Variants in STIM1 observed in about 807,000 individuals in gnomAD.
The protein encoded by STIM1 is stromal interaction molecule 1.
STIM1 carries 25 observed loss-of-function variants against 74.7 expected under a neutral mutation model. That is an observed-to-expected ratio of 0.33 (90% confidence interval 0.24 to 0.47). The LOEUF (loss-of-function observed/expected upper bound fraction) is 0.47. Ranked by LOEUF, STIM1 falls within the 20% of genes least tolerant of loss-of-function variation. The pLI, the probability that STIM1 is intolerant of heterozygous loss-of-function variation, is 1.00. For missense variants in STIM1, 728 were observed against 920.8 expected, an observed-to-expected ratio of 0.79 and a Z score of 2.71; for synonymous variants, 328 against 348.8, an observed-to-expected ratio of 0.94 and a Z score of 0.66.
intron 2 of STIM1, among the ~76,000 whole-genome samples, chr11:4,013,470 G>C (rs1030844960): frequency 3.3e-5 from 5 of 151,586 alleles, no homozygotes; most frequent in Non-Finnish European, 7.4e-5. Flanking sequence ...ATGTGTCGAG[G>C]AATTTATCCA....
chr11:4,084,997 C>CT (rs1565171666), intron 11 of STIM1, among the ~76,000 whole-genome samples: 1 of 152,020 alleles, frequency 6.6e-6, no homozygotes, highest in Non-Finnish European at 1.5e-5. Flanking sequence ...AGGCTTCTCC[C>CT]TTTAGCGCAG....
intron 5 of STIM1, among the ~76,000 whole-genome samples, chr11:4,060,101 A>G (rs1237926265): frequency 6.6e-6 from 1 of 152,220 alleles, no homozygotes; most frequent in Non-Finnish European, 1.5e-5. Flanking sequence ...ACTCAGGCCT[A>G]AGAAAGGGTG....
At chr11:4,020,764 T>A (rs2093948299) in intron 2 of STIM1, among the ~76,000 whole-genome samples, 1 of 130,572 alleles carries the variant, frequency 7.7e-6, no homozygotes, top group Non-Finnish European at 1.8e-5. Context: ...ACCTGGCTAA[T>A]TTTTTTTTTT....
chr11:4,070,235 C>T, intron 6 of STIM1, 32 bp downstream of exon 6: 2 of 1,612,506 alleles, frequency 1.2e-6, no homozygotes, highest in Non-Finnish European at 1.7e-6. Context: ...AAGGTGAGGC[C>T]CTGCCAGTTC....
chr11:3,867,616 A>T (rs761452715), intron 1 of STIM1, among the ~76,000 whole-genome samples: 3 of 152,218 alleles, frequency 2.0e-5, no homozygotes, highest in Non-Finnish European at 4.4e-5. Context: ...GTTATCTCTG[A>T]TGCTGAGAAC....
chr11:3,929,899 G>A lies in STIM1; in HGVS notation c.140-37653G>A, dbSNP rs185878966. Among the ~76,000 whole-genome samples the A allele has an allele frequency of 2.6e-5, 4 of 152,270 alleles. 1 individual carries two copies. The highest frequency in any genetic ancestry group is 2.0e-4 in the Admixed American group (3 of 15,284). ...TGACTGGTCTATTAATAGATCTGAA[G>A]TTCTGGGAGAGCCTCAGCTCTTCCC... is the stretch of plus-strand genomic sequence containing the variant. On this transcript the variant is annotated intron_variant, in intron 1 of 12. Coordinates refer to ENST00000526596, the MANE Select transcript of STIM1 (RefSeq NM_001382567.1).
intron 2 of STIM1, among the ~76,000 whole-genome samples, chr11:4,019,740 TA>T (rs1404158288): frequency 2.0e-5 from 3 of 152,224 alleles, no homozygotes; most frequent in Non-Finnish European, 2.9e-5. Context: ...ATGATCAAAT[TA>T]GGGGGTAAAA....
At chr11:3,918,533 CA>C (rs551060009) in intron 1 of STIM1, among the ~76,000 whole-genome samples, 2 of 117,212 alleles carry the variant, frequency 1.7e-5, no homozygotes, top group Non-Finnish European at 1.8e-5. Context: ...GACACTGTCT[CA>C]AAAAAAAAAA....
At position 3,998,583 on chromosome 11, in the gene STIM1, T is replaced by G. The variant is rs535557674; in HGVS notation, c.271-25290T>G. Among the ~76,000 whole-genome samples the G allele has an allele frequency of 3.9e-5, 6 of 152,268 alleles. No individual in the cohort carries two copies. In the East Asian group the frequency reaches 9.6e-4, roughly 24 times the overall value. On this transcript the variant is annotated intron_variant, in intron 2 of 12. Coordinates refer to ENST00000526596, the MANE Select transcript of STIM1 (RefSeq NM_001382567.1). The stretch of plus-strand genomic sequence containing the variant: ...TTATGGAGCTAAATTAATTATTCAT[T>G]TATGTATTCCAGAAAATTTACAAGA...
intron 3 of STIM1, among the ~76,000 whole-genome samples, chr11:4,047,812 CTG>C (rs2094205442): frequency 6.8e-6 from 1 of 146,244 alleles, no homozygotes; most frequent in South Asian, 2.2e-4. Context: ...AGAGCAAGAC[CTG>C]TCTCTCTTTT....
intron 1 of STIM1, among the ~76,000 whole-genome samples, chr11:3,880,284 A>C (rs2091454055): frequency 6.6e-6 from 1 of 152,174 alleles, no homozygotes. Flanking sequence ...AGGGCATTAG[A>C]AGCCTGCTAG....
chr11:3,972,465 T>C (rs1203427449), intron 2 of STIM1, among the ~76,000 whole-genome samples: 2 of 152,236 alleles, frequency 1.3e-5, no homozygotes, highest in Non-Finnish European at 2.9e-5. Flanking sequence ...TTCATTTCTT[T>C]TTTTTATAGA....
intron 1 of STIM1, among the ~76,000 whole-genome samples, chr11:3,912,908 TAAAA>T (rs1301855492): frequency 1.3e-5 from 2 of 152,154 alleles, no homozygotes; most frequent in Non-Finnish European, 2.9e-5. Flanking sequence ...ATCATGTACT[TAAAA>T]ACAGTATGTG....
chr11:4,032,554 G>A (rs539797843), intron 3 of STIM1, among the ~76,000 whole-genome samples: 1 of 152,254 alleles, frequency 6.6e-6, no homozygotes, highest in East Asian at 1.9e-4. Flanking sequence ...CTACAAAAAA[G>A]CCTGGTGGGA....
rs957293672 is a variant in STIM1, at chr11:4,092,633, A to T, written c.*835A>T. 2.0e-5 allele frequency: 3 copies of T among 152,358 alleles called. No homozygotes were observed. Among genetic ancestry groups the T allele is most frequent in the Non-Finnish European group, 4.4e-5 (3 of 68,220 alleles). The allele number at this position is 152,358 out of a possible 1,614,324, so 9.4% of individuals were successfully genotyped here. ...GCTGCCCCAAAGCTCCCCAAGCATC[A>T]ATACTCCTAGGGCTCAGGACAAGTG... is the stretch of plus-strand genomic sequence containing the variant. On this transcript the variant is annotated 3_prime_UTR_variant, in exon 13 of 13. Coordinates refer to ENST00000526596, the MANE Select transcript of STIM1 (RefSeq NM_001382567.1).
intron 7 of STIM1, among the ~76,000 whole-genome samples, chr11:4,075,511 T>A (rs558195070): frequency 6.6e-6 from 1 of 152,260 alleles, no homozygotes; most frequent in Non-Finnish European, 1.5e-5. Context: ...TTTGTTTCTT[T>A]CACTCAACAT....
intron 1 of STIM1, among the ~76,000 whole-genome samples, chr11:3,956,281 C>T (rs1237695563): frequency 1.3e-5 from 2 of 151,900 alleles, no homozygotes; most frequent in Non-Finnish European, 2.9e-5. Context: ...ATGCTGTGTG[C>T]AGGATAAGAG....
chr11:4,038,862 A>G (rs768717095), intron 3 of STIM1, among the ~76,000 whole-genome samples: 2 of 152,180 alleles, frequency 1.3e-5, no homozygotes, highest in African/African-American at 4.8e-5. Flanking sequence ...TCTCTCATAC[A>G]TGAAACAAAC....
intron 2 of STIM1, chr11:3,989,548 C>T (rs977782709): frequency 1.3e-5 from 7 of 551,866 alleles, no homozygotes; most frequent in African/African-American, 1.1e-4. Flanking sequence ...CTGGTCGCTG[C>T]CGCTCCTCCC....
Sources: allele counts gnomAD v4.1 joint callset (sites outside exome capture counted in the v4.1 genomes callset), GRCh38; gene constraint gnomAD v4.1.1; transcripts MANE v1.5; gene names NCBI Gene and HGNC (gene_info 2026-07-23, HGNC 2026-07-21).